Variants in ANOS1 observed in about 807,000 individuals in gnomAD.
ANOS1 encodes the protein anosmin-1.
In ANOS1, 6 loss-of-function variants were observed where a neutral mutation model predicts 59.0. That is an observed-to-expected ratio of 0.10 (90% CI 0.06 to 0.20). The LOEUF (loss-of-function observed/expected upper bound fraction) is 0.20. ANOS1 is among the 10% of genes least tolerant of loss of function. The pLI is 1.00. For missense variants in ANOS1, 433 were observed against 542.3 expected, an observed-to-expected ratio of 0.80 and a Z score of 2.00; for synonymous variants, 217 against 223.4, an observed-to-expected ratio of 0.97 and a Z score of 0.25.
intron 2 of ANOS1, among the ~76,000 whole-genome samples, chrX:8,674,578 T>C (rs1205176249): frequency 8.9e-6 from 1 of 112,222 alleles, no homozygotes; most frequent in Non-Finnish European, 1.9e-5. Flanking sequence ...AGACTAACAC[T>C]AATCATAGCT....
intron 6 of ANOS1, among the ~76,000 whole-genome samples, chrX:8,583,043 C>T (rs1930452537): frequency 9.0e-6 from 1 of 110,536 alleles, no homozygotes; most frequent in African/African-American, 3.3e-5. Flanking sequence ...GGGAAAAGTC[C>T]TTAATTTCCT....
chrX:8,718,817 C>T (rs1932856517), intron 1 of ANOS1, among the ~76,000 whole-genome samples: 1 of 111,657 alleles, frequency 9.0e-6, no homozygotes, highest in South Asian at 3.8e-4. Context: ...GTCCACTGGG[C>T]AGAAATGACC....
rs1929469405 is a variant in ANOS1 at position 8,529,895 on chromosome X, C to T, written c.*3100G>A. 9.0e-6 allele frequency: 1 copy of T among 111,378 alleles called. No homozygotes were observed. Among genetic ancestry groups the T allele is most frequent in the South Asian group, 3.8e-4 (1 of 2,628 alleles). The allele number at this position is 111,378 out of a possible 1,213,427, so 9.2% of individuals were successfully genotyped here. A position where few individuals can be genotyped will look rare whatever the true frequency, so the allele number is the denominator to read the frequency against. ...AACCTACAGTGCACAAGACAAACCC[C>T]CACAACAGAGAACTATCCAGCCCCA... On this transcript the variant is annotated 3_prime_UTR_variant, in exon 14 of 14. Coordinates refer to ENST00000262648, the MANE Select transcript of ANOS1 (RefSeq NM_000216.4).
At chrX:8,550,749 C>T (rs191633318) in intron 9 of ANOS1, among the ~76,000 whole-genome samples, 1 of 108,061 alleles carries the variant, frequency 9.3e-6, no homozygotes, top group East Asian at 2.9e-4. Context: ...AAAAATATAT[C>T]ATGATGTATC....
intron 3 of ANOS1, among the ~76,000 whole-genome samples, chrX:8,610,022 A>G (rs895148133): frequency 2.3e-5 from 2 of 88,233 alleles, no homozygotes; most frequent in African/African-American, 8.3e-5. Flanking sequence ...AAAAAAAAAA[A>G]AAAAAAAAAA....
intron 2 of ANOS1, among the ~76,000 whole-genome samples, chrX:8,691,717 A>C (rs748737624): frequency 8.3e-4 from 94 of 112,645 alleles, no homozygotes; most frequent in Non-Finnish European, 1.4e-3. Flanking sequence ...GAGTGGGAAA[A>C]TAGTTCAAAG....
At chrX:8,543,658 G>A (rs1481580507) in intron 9 of ANOS1, among the ~76,000 whole-genome samples, 6 of 109,867 alleles carry the variant, frequency 5.5e-5, no homozygotes, top group Non-Finnish European at 1.1e-4. Flanking sequence ...GAGGTCAGGA[G>A]CTCAAGAGCA....
intron 2 of ANOS1, among the ~76,000 whole-genome samples, chrX:8,692,472 A>G (rs1396436881): frequency 9.0e-6 from 1 of 110,657 alleles, no homozygotes; most frequent in Non-Finnish European, 1.9e-5. Context: ...AGGACACACT[A>G]CTCAAAATAC....
At chrX:8,704,738 T>C (rs1420658157) in intron 1 of ANOS1, among the ~76,000 whole-genome samples, 1 of 111,954 alleles carries the variant, frequency 8.9e-6, no homozygotes, top group Non-Finnish European at 1.9e-5. Context: ...AAGATAATCC[T>C]TGTAAAGTAT....
At chrX:8,637,427 T>A (rs993557025) in intron 2 of ANOS1, among the ~76,000 whole-genome samples, 1 of 111,905 alleles carries the variant, frequency 8.9e-6, no homozygotes, top group South Asian at 3.7e-4. Context: ...CCTTTACCCA[T>A]TCATTCATCA....
chrX:8,689,476 T>C (rs1465695436), intron 2 of ANOS1, among the ~76,000 whole-genome samples: 1 of 110,093 alleles, frequency 9.1e-6, no homozygotes, highest in Non-Finnish European at 1.9e-5. Context: ...GGTGTACAAG[T>C]GGCTTGAGCT....
chrX:8,591,357 A>G (rs1469392975), intron 4 of ANOS1, among the ~76,000 whole-genome samples: 2 of 111,706 alleles, frequency 1.8e-5, no homozygotes, highest in East Asian at 5.6e-4. Flanking sequence ...TCAAACTCAT[A>G]GAGCACATTC....
At chrX:8,563,689 G>A (rs1601955137) in intron 8 of ANOS1, among the ~76,000 whole-genome samples, 1 of 112,444 alleles carries the variant, frequency 8.9e-6, no homozygotes, top group East Asian at 2.8e-4. Context: ...TGGTTGAATG[G>A]AAAGACAGTT....
chrX:8,612,516 T>C (rs1476757842), intron 3 of ANOS1, among the ~76,000 whole-genome samples: 2 of 99,223 alleles, frequency 2.0e-5, no homozygotes, highest in Non-Finnish European at 4.0e-5. Flanking sequence ...GCATAGGAAA[T>C]GACAAAAAAA....
chrX:8,546,167 G>T lies in ANOS1; in HGVS notation c.1355-6409C>A, dbSNP rs185385551. On this transcript the variant is annotated intron_variant, in intron 9 of 13. Transcript: ENST00000262648. ...ATTTCAAAGGTCTCCTTTCCTACAT[G>T]TGTGATAATTATGAATAAGAGCATG... Among the ~76,000 whole-genome samples the T allele has an allele frequency of 1.1e-3, 119 of 112,290 alleles. 2 individuals are homozygous for T. The highest frequency in any genetic ancestry group is 1.9e-3 in the Non-Finnish European group (103 of 53,278).
chrX:8,630,010 A>G (rs1219205586), intron 2 of ANOS1, among the ~76,000 whole-genome samples: 2 of 112,612 alleles, frequency 1.8e-5, no homozygotes, highest in Admixed American at 1.9e-4. Context: ...GTACTTATCT[A>G]GTCACCAAGA....
chrX:8,543,366 C>A (rs894598022), intron 9 of ANOS1, among the ~76,000 whole-genome samples: 1 of 107,616 alleles, frequency 9.3e-6, no homozygotes, highest in Non-Finnish European at 1.9e-5. Context: ...CCCCAAATGA[C>A]CAGTATGGGG....
At chrX:8,563,364 G>A (rs186275522) in intron 8 of ANOS1, among the ~76,000 whole-genome samples, 1 of 111,831 alleles carries the variant, frequency 8.9e-6, no homozygotes, top group African/African-American at 3.2e-5. Flanking sequence ...CTTAACACAG[G>A]GAATCAACCG....
chrX:8,540,299 G>A (rs1929662342), intron 9 of ANOS1, among the ~76,000 whole-genome samples: 1 of 111,249 alleles, frequency 9.0e-6, no homozygotes, highest in Admixed American at 9.6e-5. Context: ...TTCCTGTTAT[G>A]TATTGCCATA....
Sources: allele counts gnomAD v4.1 joint callset (sites outside exome capture counted in the v4.1 genomes callset), GRCh38; gene constraint gnomAD v4.1.1; transcripts MANE v1.5; gene names NCBI Gene and HGNC (gene_info 2026-07-23, HGNC 2026-07-21).